Variants in AMOTL1 observed in about 807,000 individuals in gnomAD.
AMOTL1 encodes angiomotin like 1.
A neutral mutation model predicts 102.9 loss-of-function variants in AMOTL1; 45 were observed. The observed-to-expected ratio is 0.44, with a 90% CI of 0.34 to 0.56. The LOEUF (loss-of-function observed/expected upper bound fraction) is 0.56. Among genes scored for constraint, AMOTL1 ranks in the 20% least tolerant of loss-of-function variants. The pLI, the probability that AMOTL1 is intolerant of heterozygous loss-of-function variation, is 0.01. For synonymous variants in AMOTL1, 481 were observed against 484.7 expected (o/e 0.99, Z 0.10); for missense variants, 1,114 against 1,225.6 (o/e 0.91, Z 1.36).
intron 3 of AMOTL1, among the ~76,000 whole-genome samples, chr11:94,759,380 T>G (rs1565341727): frequency 6.6e-6 from 1 of 152,346 alleles, no homozygotes; most frequent in Admixed American, 6.5e-5. Flanking sequence ...AGACTTTTAG[T>G]ATGGCAAATC....
chr11:94,716,871 C>G (rs370489293), intron 1 of AMOTL1, among the ~76,000 whole-genome samples: 1 of 152,122 alleles, frequency 6.6e-6, no homozygotes, highest in Admixed American at 6.5e-5. Flanking sequence ...ATGGTTCAGT[C>G]TGCTGTGCTA....
chr11:94,785,881 T>C (rs1236113009), intron 1 of AMOTL1, among the ~76,000 whole-genome samples: 2 of 152,192 alleles, frequency 1.3e-5, no homozygotes, highest in South Asian at 2.1e-4. Flanking sequence ...TTTTCCTTTG[T>C]TCAAAAAATA....
At chr11:94,812,352 C>A (rs530452571) in intron 3 of AMOTL1, among the ~76,000 whole-genome samples, 74 of 152,268 alleles carry the variant, frequency 4.9e-4, no homozygotes, top group African/African-American at 1.6e-3. Context: ...GGGGAGGGGG[C>A]TTCCACATTA....
chr11:94,710,358 G>A (rs1229407462), intron 1 of AMOTL1, among the ~76,000 whole-genome samples: 1 of 152,166 alleles, frequency 6.6e-6, no homozygotes, highest in Non-Finnish European at 1.5e-5. Context: ...CAGATGACCC[G>A]GGTTCCTATC....
chr11:94,712,599 T>A (rs1950036800), intron 1 of AMOTL1, among the ~76,000 whole-genome samples: 1 of 152,056 alleles, frequency 6.6e-6, no homozygotes, highest in African/African-American at 2.4e-5. Flanking sequence ...GACAAAGGTC[T>A]AATATCCAGA....
intron 1 of AMOTL1, among the ~76,000 whole-genome samples, chr11:94,781,829 G>A (rs1359169911): frequency 3.3e-5 from 5 of 150,356 alleles, no homozygotes; most frequent in Admixed American, 1.3e-4. Flanking sequence ...GCGAGACTCC[G>A]TCTCAAAAAG....
At chr11:94,796,161 C>A (rs1194467045) in intron 2 of AMOTL1, among the ~76,000 whole-genome samples, 2 of 152,108 alleles carry the variant, frequency 1.3e-5, no homozygotes, top group Non-Finnish European at 2.9e-5. Flanking sequence ...AATATTGATT[C>A]TTTGACGGTA....
At chr11:94,762,740 G>T (rs140946716) in intron 3 of AMOTL1, among the ~76,000 whole-genome samples, 5 of 152,208 alleles carry the variant, frequency 3.3e-5, no homozygotes, top group African/African-American at 1.2e-4. Context: ...TACCCCATTT[G>T]GTACAGGTGC....
At chr11:94,801,130 C>T (rs969292917) in intron 3 of AMOTL1, among the ~76,000 whole-genome samples, 1 of 152,158 alleles carries the variant, frequency 6.6e-6, no homozygotes, top group Non-Finnish European at 1.5e-5. Context: ...TAGTATAACT[C>T]ACAACTGGAG....
chr11:94,823,697 A>G (rs966822948), intron 4 of AMOTL1, among the ~76,000 whole-genome samples: 1 of 148,830 alleles, frequency 6.7e-6, no homozygotes, highest in South Asian at 2.1e-4. Flanking sequence ...GTTATTTTTC[A>G]TTGCCTTTTT....
At chr11:94,847,743 G>A (rs1952445788) in intron 6 of AMOTL1, among the ~76,000 whole-genome samples, 1 of 138,424 alleles carries the variant, frequency 7.2e-6, no homozygotes, top group African/African-American at 2.6e-5. Flanking sequence ...CTGAGATCAT[G>A]TATATATGCG....
intron 2 of AMOTL1, chr11:94,740,477 G>A (rs1950503337): frequency 6.6e-6 from 1 of 151,912 alleles, no homozygotes; most frequent in Non-Finnish European, 1.5e-5. Context: ...GGATGCGCGG[G>A]GCGCCTGGGT....
intron 3 of AMOTL1, among the ~76,000 whole-genome samples, chr11:94,757,891 G>A (rs551136947): frequency 3.9e-5 from 6 of 152,264 alleles, no homozygotes; most frequent in African/African-American, 1.2e-4. Context: ...GTGAAACCCC[G>A]TCTCTACCAA....
intron 3 of AMOTL1, among the ~76,000 whole-genome samples, chr11:94,747,715 T>G (rs1950606255): frequency 6.6e-6 from 1 of 152,036 alleles, no homozygotes; most frequent in African/African-American, 2.4e-5. Context: ...AAATGTAGAG[T>G]TGTCAGAGGG....
chr11:94,790,631 C>A (rs1443371097), intron 1 of AMOTL1, among the ~76,000 whole-genome samples: 1 of 152,166 alleles, frequency 6.6e-6, no homozygotes, highest in African/African-American at 2.4e-5. Flanking sequence ...TGTTTAGAGA[C>A]AGCCTTGAAA....
At chr11:94,783,168 C>T (rs918394054) in intron 1 of AMOTL1, among the ~76,000 whole-genome samples, 1 of 152,170 alleles carries the variant, frequency 6.6e-6, no homozygotes, top group Non-Finnish European at 1.5e-5. Flanking sequence ...TAGTTTTATT[C>T]TTTACTGATG....
intron 1 of AMOTL1, among the ~76,000 whole-genome samples, chr11:94,780,038 GA>G (rs1340010526): frequency 1.3e-5 from 2 of 152,184 alleles, no homozygotes; most frequent in African/African-American, 2.4e-5. Flanking sequence ...TCACTGCAAA[GA>G]AGAGATTTGA....
intron 6 of AMOTL1, among the ~76,000 whole-genome samples, chr11:94,841,923 T>A (rs1028315900): frequency 6.6e-6 from 1 of 152,210 alleles, no homozygotes; most frequent in Non-Finnish European, 1.5e-5. Flanking sequence ...AATAAATATT[T>A]TACCAAATCC....
chr11:94,734,512 C>A (rs4303200), intron 2 of AMOTL1, among the ~76,000 whole-genome samples: 2 of 152,254 alleles, frequency 1.3e-5, no homozygotes, highest in South Asian at 2.1e-4. Context: ...TTTGATGAAA[C>A]CTTACTGATA....
Sources: allele counts gnomAD v4.1 joint callset (sites outside exome capture counted in the v4.1 genomes callset), GRCh38; gene constraint gnomAD v4.1.1; transcripts MANE v1.5; gene names NCBI Gene and HGNC (gene_info 2026-07-23, HGNC 2026-07-21).